The following HSPG2 variants were observed in gnomAD, a reference collection of about 807,000 sequenced individuals.
HSPG2 encodes the protein basement membrane-specific heparan sulfate proteoglycan core protein.
HSPG2 carries 278 observed loss-of-function variants against 526.6 expected under a neutral mutation model. The observed-to-expected ratio is 0.53, with a 90% CI of 0.48 to 0.58. HSPG2 has a LOEUF of 0.58. Ranked by LOEUF, HSPG2 falls within the 20% of genes least tolerant of loss-of-function variation. The pLI, the probability that HSPG2 is intolerant of heterozygous loss-of-function variation, is 0.00. For synonymous variants in HSPG2, 2,465 were observed against 2,555.4 expected, an observed-to-expected ratio of 0.96 and a Z score of 1.07; for missense variants, 5,354 against 6,099.5, an observed-to-expected ratio of 0.88 and a Z score of 4.07.
rs752116447 is a variant in HSPG2 at position 21,885,084 on chromosome 1, G to A, written c.1284C>T (p.Cys428=). Residue 428 remains cysteine, a synonymous_variant, in exon 11 of 97, where the codon TGC becomes TGT. Transcript: ENST00000374695. ...ASRGQTVTFT[C]VAIGVPTPII... The stretch of plus-strand genomic sequence containing the variant: ...TGGGGGTGGGGACGCCAATGGCCAC[G>A]CAGGTGAAGGTCACTGTCTGGCCCC... The A allele has an allele frequency of 6.8e-6, 11 of 1,613,578 alleles. No homozygotes were observed. Among genetic ancestry groups the A allele is most frequent in the African/African-American group, 5.3e-5 (4 of 74,914 alleles).
At chr1:21,880,582 G>T (rs1403902365) in intron 15 of HSPG2, 23 bp from the exon 16 acceptor site, 4 of 1,611,638 alleles carry the variant, frequency 2.5e-6, no homozygotes, top group Non-Finnish European at 2.5e-6. Context: ...GAAGGTGGCA[G>T]GGGTCACACA....
At chr1:21,846,348 G>C in intron 63 of HSPG2, 93 bp from the exon 64 acceptor site, 1 of 1,606,818 alleles carries the variant, frequency 6.2e-7, no homozygotes, top group Non-Finnish European at 8.5e-7. Context: ...ACACAGGGGG[G>C]TACTGCACCC....
In HSPG2 at chr1:21,839,326, C is replaced by A. The variant is rs1223034743; in HGVS notation, c.9889+45G>T. On this transcript the variant is annotated intron_variant, in intron 73 of 96. Transcript: ENST00000374695. This position sits in a 1 kb window ranked among gnomAD's most constrained non-coding sequence, Gnocchi z 4.5. ...TGTGGGGTGGAGCCTAGTCGGGGGG[C>A]TCAGATCTCCATTTGGTGCAGACAA... is the stretch of plus-strand genomic sequence containing the variant. The A allele has an allele frequency of 6.3e-7, 1 of 1,595,332 alleles. No homozygotes were observed. Among genetic ancestry groups the A allele is most frequent in the Non-Finnish European group, 8.5e-7 (1 of 1,172,210 alleles).
intron 1 of HSPG2, among the ~76,000 whole-genome samples, chr1:21,912,936 C>T (rs1024110677): frequency 6.6e-6 from 1 of 151,206 alleles, no homozygotes; most frequent in African/African-American, 2.4e-5. Flanking sequence ...GCTGAGATTG[C>T]ACCACTGCAC....
intron 69 of HSPG2, 135 bp from the exon 70 acceptor site, chr1:21,841,808 A>G (rs1435028498): frequency 7.5e-7 from 1 of 1,336,822 alleles, no homozygotes; most frequent in Non-Finnish European, 1.1e-6. Flanking sequence ...GGAGTCGCAG[A>G]TAGCAGAAAG....
At chr1:21,897,507 T>A (rs952828727) in intron 1 of HSPG2, among the ~76,000 whole-genome samples, 3 of 152,158 alleles carry the variant, frequency 2.0e-5, no homozygotes, top group African/African-American at 7.2e-5. Flanking sequence ...GGCCCTCTGC[T>A]GGAATGCCCT....
rs776000373 is a variant in HSPG2, at chr1:21,887,664, G to C, written c.714C>G (p.Val238=). 1 of 1,613,816 alleles carries C rather than the reference G, an allele frequency of 6.2e-7. No individual in the cohort carries two copies. Among genetic ancestry groups the C allele is most frequent in the Non-Finnish European group, 8.5e-7 (1 of 1,180,012 alleles). ...MSDELNCEEP[V]LGISPTFSLL... is the part of the protein sequence containing the mutation. ...GAGAGAATGTGGGGCTGATACCCAG[G>C]ACTGGCTCCTCTGTGGATAGATTCC... is the stretch of plus-strand genomic sequence containing the variant. Residue 238 remains valine (V), a synonymous_variant, in exon 8 of 97, where the codon GTC becomes GTG. Coordinates refer to ENST00000374695, the MANE Select transcript of HSPG2 (RefSeq NM_005529.7). This position sits in a 1 kb window ranked among gnomAD's most constrained non-coding sequence, Gnocchi z 5.0.
At chr1:21,854,529 TC>T in intron 49 of HSPG2, 81 bp downstream of exon 49, 2 of 1,477,798 alleles carry the variant, frequency 1.4e-6, no homozygotes, top group South Asian at 1.3e-5. Flanking sequence ...GTGTGCCGCC[TC>T]CCCCGCCCAG....
chr1:21,911,953 C>T (rs1557823596), intron 1 of HSPG2, among the ~76,000 whole-genome samples: 1 of 152,218 alleles, frequency 6.6e-6, no homozygotes, highest in African/African-American at 2.4e-5. Context: ...CAAGAAACCA[C>T]TAAATAAAGG....
At position 21,934,177 on chromosome 1, in the gene HSPG2, C is replaced by T. The variant is rs149506080; in HGVS notation, c.63+2978G>A. On this transcript the variant is annotated intron_variant, in intron 1 of 96. Transcript: ENST00000374695. ...ATCAGCTTCCTGTGGTCCTGTCCCC[C>T]GTCCCGGGGAAGCCTGGAGCTCCCT... 3.5e-3 allele frequency among the ~76,000 whole-genome samples: 534 copies of T among 152,356 alleles called. 2 individuals are homozygous for T. The highest frequency in any genetic ancestry group is 0.012 in the African/African-American group (506 of 41,584).
At chr1:21,834,981 G>C in intron 76 of HSPG2, 36 bp from the exon 77 acceptor site, 1 of 1,605,618 alleles carries the variant, frequency 6.2e-7, no homozygotes, top group Non-Finnish European at 8.5e-7. Flanking sequence ...AGTGAGATCA[G>C]TCACTGCAGG....
chr1:21,844,591 A>G (rs1270090393), intron 64 of HSPG2, among the ~76,000 whole-genome samples: 2 of 152,196 alleles, frequency 1.3e-5, no homozygotes, highest in East Asian at 3.8e-4. Context: ...TAGACCACTA[A>G]TGTTTGGCAG....
chr1:21,830,413 G>A (rs1032850819), intron 85 of HSPG2: 6 of 399,534 alleles, frequency 1.5e-5, no homozygotes, highest in Admixed American at 7.4e-5. Flanking sequence ...GGGGCCGGGC[G>A]TGGGGGCTCA....
chr1:21,885,174 A>C lies in HSPG2; in HGVS notation c.1211-17T>G. ...GGGGGGGCACTGAGGAGACCAGGGC[A>C]GGAGTGAGGGGTCGGGGGCAAAGGA... On this transcript the variant is annotated splice_polypyrimidine_tract_variant and intron_variant, in intron 10 of 96. Coordinates refer to ENST00000374695, the MANE Select transcript of HSPG2 (RefSeq NM_005529.7). The C allele has an allele frequency of 6.2e-7, 1 of 1,604,328 alleles. No homozygotes were observed. Among genetic ancestry groups the C allele is most frequent in the Non-Finnish European group, 8.5e-7 (1 of 1,174,304 alleles).
intron 1 of HSPG2, among the ~76,000 whole-genome samples, chr1:21,927,533 ACC>A (rs57444906): frequency 4.1e-4 from 62 of 151,736 alleles, no homozygotes; most frequent in Non-Finnish European, 2.4e-4. Context: ...GACATCCCCC[ACC>A]CCCCCCACTG....
In HSPG2 at chr1:21,835,609, C is replaced by T; in HGVS notation, c.10384G>A (p.Gly3462Arg). Residue 3462 changes from glycine to arginine, a missense_variant, in exon 76 of 97, where the codon GGG (glycine) becomes AGG (arginine). Transcript: ENST00000374695. ...RIQNLDQSCQ[G>R]TYICQAHGPW... is the part of the protein sequence containing the mutation. Reference sequence around the variant, plus strand: ...CCATGGGCCTGGCATATATACGTCCCTTGGCAGCTCTGGTCCAAGTTCTGG... The same window carrying T: ...CCATGGGCCTGGCATATATACGTCCTTTGGCAGCTCTGGTCCAAGTTCTGG... 1.9e-6 allele frequency: 3 copies of T among 1,614,010 alleles called. No homozygotes were observed. The highest frequency in any genetic ancestry group is 2.5e-6 in the Non-Finnish European group (3 of 1,179,894).
chr1:21,885,033 G>A lies in HSPG2; in HGVS notation c.1335C>T (p.Gly445=), dbSNP rs1052243364. The A allele has an allele frequency of 1.2e-6, 2 of 1,613,948 alleles. No homozygotes were observed. The highest frequency in any genetic ancestry group is 1.6e-4 in the Middle Eastern group (1 of 6,062). Residue 445 remains glycine (G), a synonymous_variant, in exon 11 of 97, where the codon GGC becomes GGT. Coordinates refer to ENST00000374695, the MANE Select transcript of HSPG2 (RefSeq NM_005529.7). The stretch of plus-strand genomic sequence containing the variant: ...CGCACCTGGGATGAGAGGGGATGTG[G>A]CCCCAGTTGAGCCTCCAATTGATGA... ...TPIINWRLNW[G]HIPSHPRVTV...
intron 33 of HSPG2, chr1:21,870,853 C>A: frequency 1.0e-6 from 1 of 986,246 alleles, no homozygotes; most frequent in Non-Finnish European, 1.2e-6. Context: ...CCGGCGCATC[C>A]GCGCAAAGTA....
At chr1:21,870,763 G>A in intron 33 of HSPG2, 1 of 900,094 alleles carries the variant, frequency 1.1e-6, no homozygotes, top group Non-Finnish European at 1.3e-6. Context: ...TCCCCACGCA[G>A]GGCTGGGAGC....
Sources: allele counts gnomAD v4.1 joint callset (sites outside exome capture counted in the v4.1 genomes callset), GRCh38; gene constraint gnomAD v4.1.1; non-coding constraint Gnocchi (gnomAD v3.1); transcripts MANE v1.5; gene names NCBI Gene and HGNC (gene_info 2026-07-23, HGNC 2026-07-21).